The following TTC7A variants were observed in gnomAD, a reference collection of about 807,000 sequenced individuals.
TTC7A encodes tetratricopeptide repeat protein 7A.
TTC7A carries 110 observed loss-of-function variants against 103.7 expected under a neutral mutation model. That is an observed-to-expected ratio of 1.06 (90% CI 0.91 to 1.24). The LOEUF is 1.24. Ranked by LOEUF, TTC7A falls within the 50% of genes most tolerant of loss-of-function variation. TTC7A has a pLI of 0.00. For missense variants in TTC7A, 1,340 were observed against 1,116.3 expected, an observed-to-expected ratio of 1.20 and a Z score of -2.86; for synonymous variants, 521 against 467.9, an observed-to-expected ratio of 1.11 and a Z score of -1.47.
intron 5 of TTC7A, among the ~76,000 whole-genome samples, chr2:46,986,596 G>A (rs561465579): frequency 6.6e-6 from 1 of 152,312 alleles, no homozygotes; most frequent in South Asian, 2.1e-4. Flanking sequence ...GCCCCAAGGG[G>A]CCAAGAGTAG....
chr2:47,039,186 C>CT (rs1160935222), intron 15 of TTC7A, among the ~76,000 whole-genome samples: 1 of 152,226 alleles, frequency 6.6e-6, no homozygotes, highest in Non-Finnish European at 1.5e-5. Context: ...CCCACATCAT[C>CT]TGATGCTGAA....
intron 2 of TTC7A, chr2:46,951,545 C>A (rs1671408794): frequency 4.4e-6 from 2 of 453,432 alleles, no homozygotes; most frequent in Non-Finnish European, 4.4e-6. Context: ...TCCTTGCTTC[C>A]TTCCCCTCTG....
Position 47,011,430 on chromosome 2 carries a change from C to T in TTC7A, c.1387C>T (p.Arg463Cys), listed in dbSNP as rs773801843. The T allele has an allele frequency of 1.6e-5, 25 of 1,605,004 alleles. No homozygotes were observed. The highest frequency in any genetic ancestry group is 1.7e-4 in the Middle Eastern group (1 of 6,002). ...CGCGAAGGTCTGCATCGGGTCCCTT[C>T]GCTGGGTGAGTGAGCTGTGAGGGCA... ...MAAKVCIGSL[R>C]WLEEAEHFAM... The change falls in exon 11 of 20, where the codon CGC becomes TGC. Residue 463 changes from arginine to cysteine, a missense_variant. Coordinates refer to ENST00000319190, the MANE Select transcript of TTC7A (RefSeq NM_020458.4).
At chr2:46,949,611 G>A (rs1432501434) in intron 1 of TTC7A, among the ~76,000 whole-genome samples, 3 of 152,154 alleles carry the variant, frequency 2.0e-5, no homozygotes, top group Admixed American at 6.5e-5. Context: ...TACCCTATAT[G>A]TGAGAGAACT....
At chr2:46,949,279 A>G (rs1209522849) in intron 1 of TTC7A, among the ~76,000 whole-genome samples, 1 of 152,224 alleles carries the variant, frequency 6.6e-6, no homozygotes, top group Non-Finnish European at 1.5e-5. Flanking sequence ...TTTGTTGCCC[A>G]GGCTGGAGTG....
intron 11 of TTC7A, among the ~76,000 whole-genome samples, chr2:47,017,995 G>A (rs974854954): frequency 1.1e-4 from 17 of 152,116 alleles, no homozygotes; most frequent in African/African-American, 4.1e-4. Context: ...ATATGAACCT[G>A]GCTAGCTGCA....
chr2:46,977,724 C>G (rs1674015235), intron 4 of TTC7A, among the ~76,000 whole-genome samples: 1 of 152,156 alleles, frequency 6.6e-6, no homozygotes, highest in Non-Finnish European at 1.5e-5. Flanking sequence ...GCTTTGTGAT[C>G]TTAGGCATTA....
intron 9 of TTC7A, 30 bp from the exon 10 acceptor site, chr2:47,006,611 G>A (rs766497685): frequency 1.3e-6 from 2 of 1,593,320 alleles, no homozygotes; most frequent in African/African-American, 1.3e-5. Context: ...GACCCCTGGT[G>A]GGTAAATGCT....
chr2:47,072,382 C>T (rs972203836), intron 19 of TTC7A, among the ~76,000 whole-genome samples: 10 of 152,318 alleles, frequency 6.6e-5, no homozygotes, highest in African/African-American at 9.6e-5. Context: ...CTCCAGCCAG[C>T]GCCTCTGGAG....
intron 15 of TTC7A, among the ~76,000 whole-genome samples, chr2:47,039,467 A>G (rs1681501528): frequency 6.6e-6 from 1 of 152,172 alleles, no homozygotes; most frequent in Non-Finnish European, 1.5e-5. Flanking sequence ...CCCCCAGGTA[A>G]GGGGATGGAG....
chr2:47,028,446 C>T (rs1680156254), intron 14 of TTC7A, among the ~76,000 whole-genome samples: 2 of 152,194 alleles, frequency 1.3e-5, no homozygotes, highest in South Asian at 2.1e-4. Flanking sequence ...CTGCACCAGC[C>T]CCTCCTGGGC....
chr2:47,052,402 A>C (rs1434945976), intron 18 of TTC7A, among the ~76,000 whole-genome samples: 1 of 152,206 alleles, frequency 6.6e-6, no homozygotes, highest in Non-Finnish European at 1.5e-5. Flanking sequence ...CTGGGTTCTG[A>C]AAGCAGCCCA....
chr2:46,942,033 G>GC (rs948400545), intron 1 of TTC7A, among the ~76,000 whole-genome samples: 1 of 152,212 alleles, frequency 6.6e-6, no homozygotes, highest in Non-Finnish European at 1.5e-5. Context: ...GCTGGACTCT[G>GC]CCCCCCACCG....
intron 18 of TTC7A, among the ~76,000 whole-genome samples, chr2:47,060,516 G>A (rs1683681023): frequency 6.6e-6 from 1 of 152,306 alleles, no homozygotes; most frequent in Non-Finnish European, 1.5e-5. Context: ...CAGGGTTTTT[G>A]TGAGCATTAA....
chr2:47,003,901 G>T (rs1230901088), intron 8 of TTC7A, among the ~76,000 whole-genome samples: 3 of 152,214 alleles, frequency 2.0e-5, no homozygotes, highest in Non-Finnish European at 2.9e-5. Context: ...TCAGTACATC[G>T]CCGGGGACAG....
chr2:47,011,676 G>C (rs1053215702), intron 11 of TTC7A, among the ~76,000 whole-genome samples: 1 of 152,240 alleles, frequency 6.6e-6, no homozygotes, highest in African/African-American at 2.4e-5. Context: ...GTGGCCTCCA[G>C]AGAGTGAAAC....
At chr2:47,055,444 G>T (rs1683233303) in intron 18 of TTC7A, among the ~76,000 whole-genome samples, 1 of 152,210 alleles carries the variant, frequency 6.6e-6, no homozygotes, top group Admixed American at 6.5e-5. Flanking sequence ...GAGACGGGCT[G>T]CAGGGCAATG....
intron 6 of TTC7A, 98 bp from the exon 7 acceptor site, chr2:46,994,259 C>T (rs547288909): frequency 1.9e-4 from 272 of 1,414,220 alleles, no homozygotes; most frequent in Non-Finnish European, 2.1e-4. Flanking sequence ...ACATTGCAAG[C>T]GGGGCAGATT....
chr2:47,049,347 C>G (rs1466816800), intron 16 of TTC7A, among the ~76,000 whole-genome samples: 3 of 151,834 alleles, frequency 2.0e-5, no homozygotes, highest in Non-Finnish European at 4.4e-5. Flanking sequence ...AAGAGGAACC[C>G]CTCCCCCCCG....
Sources: gnomAD v4.1 joint callset for allele counts (sites outside exome capture counted in the v4.1 genomes callset) on GRCh38, gnomAD v4.1.1 for gene constraint, MANE v1.5 for transcripts, NCBI Gene and HGNC (gene_info 2026-07-23, HGNC 2026-07-21) for gene names.